The following PINX1 variants were observed in gnomAD, a reference collection of about 807,000 sequenced individuals.
PINX1 encodes the protein PIN2 (TERF1) interacting telomerase inhibitor 1.
In PINX1, 34 loss-of-function variants were observed where a neutral mutation model predicts 25.4. The observed-to-expected ratio is 1.34, with a 90% confidence interval of 1.02 to 1.78. The LOEUF is 1.78. Among genes scored for constraint, PINX1 ranks in the 40% most tolerant of loss-of-function variants. PINX1 has a pLI of 0.00. For missense variants in PINX1, 592 were observed against 404.9 expected, an observed-to-expected ratio of 1.46 and a Z score of -3.97; for synonymous variants, 197 against 147.7, an observed-to-expected ratio of 1.33 and a Z score of -2.42.
In PINX1 at chr8:10,836,362, G is replaced by T. The variant is rs368739521; in HGVS notation, c.20-1587C>A. On this transcript the variant is annotated intron_variant, in intron 1 of 6. Coordinates refer to ENST00000314787, the MANE Select transcript of PINX1 (RefSeq NM_017884.6). The stretch of plus-strand genomic sequence containing the variant: ...CTTGGCAAATACTCAGCATAACACT[G>T]CGTCTGCTAATGAACAACACACCAG... Among the ~76,000 whole-genome samples, 7 of 152,154 alleles carry T rather than the reference G, an allele frequency of 4.6e-5. No individual in the cohort carries two copies. The East Asian group carries it at 5.8e-4, about 13-fold the overall frequency.
At chr8:10,813,575 CACAA>C (rs1797602926) in intron 6 of PINX1, among the ~76,000 whole-genome samples, 1 of 152,100 alleles carries the variant, frequency 6.6e-6, no homozygotes, top group African/African-American at 2.4e-5. Flanking sequence ...GAGAAAGGAA[CACAA>C]ACTGCAAAGA....
At chr8:10,812,349 C>A (rs1451588633) in intron 6 of PINX1, among the ~76,000 whole-genome samples, 2 of 152,198 alleles carry the variant, frequency 1.3e-5, no homozygotes, top group Non-Finnish European at 1.5e-5. Context: ...CCTTCCAGCA[C>A]CGTTTCAAAT....
intron 6 of PINX1, among the ~76,000 whole-genome samples, chr8:10,815,148 C>T (rs2129084213): frequency 6.6e-6 from 1 of 152,220 alleles, no homozygotes; most frequent in East Asian, 1.9e-4. Flanking sequence ...CACTATGTTG[C>T]CCAGGCTGGT....
chr8:10,829,355 A>C (rs1170645632), intron 4 of PINX1, among the ~76,000 whole-genome samples: 1 of 152,060 alleles, frequency 6.6e-6, no homozygotes, highest in African/African-American at 2.4e-5. Context: ...CTTCAGAGTA[A>C]AGTAAATTTT....
intron 6 of PINX1, among the ~76,000 whole-genome samples, chr8:10,816,314 T>C (rs916240545): frequency 9.9e-5 from 15 of 152,218 alleles, no homozygotes; most frequent in Non-Finnish European, 1.9e-4. Flanking sequence ...TTTACTATCT[T>C]TGCAACATCC....
chr8:10,792,181 C>T lies in PINX1; in HGVS notation c.472-26265G>A, dbSNP rs534974155. Among the ~76,000 whole-genome samples the T allele has an allele frequency of 5.3e-5, 8 of 152,252 alleles. No homozygotes were observed. In the East Asian group the frequency reaches 1.4e-3, roughly 26 times the overall value. Reference sequence around the variant, plus strand: ...GCAGGCCCCGCAGATGCGCTGGCCTCGCTCTCCCTGCACTCTCCGCGCTGG... The same window carrying T: ...GCAGGCCCCGCAGATGCGCTGGCCTTGCTCTCCCTGCACTCTCCGCGCTGG... On this transcript the variant is annotated intron_variant, in intron 6 of 6. Coordinates refer to ENST00000314787, the MANE Select transcript of PINX1 (RefSeq NM_017884.6).
Position 10,826,203 on chromosome 8 carries a change from C to A in PINX1, c.343G>T (p.Glu115Ter). The A allele has an allele frequency of 6.3e-7, 1 of 1,598,094 alleles. No homozygotes were observed. ...CGGTTTTTGGAGATTTTGGACTTTT[C>A]CTCAAGGCTAAAAGATTTCTTTTCC... ...KKEKKSFSLE[E>*]KSKISKNRVH... Residue 115 changes from glutamate (E) to a stop codon, truncating the protein, a stop_gained, in exon 5 of 7, where the codon GAA (glutamate) becomes TAA (stop). Coordinates refer to ENST00000314787, the MANE Select transcript of PINX1 (RefSeq NM_017884.6). LOFTEE classifies it high-confidence loss of function.
chr8:10,785,114 A>T (rs1015045676), intron 6 of PINX1, among the ~76,000 whole-genome samples: 2 of 152,246 alleles, frequency 1.3e-5, no homozygotes, highest in Non-Finnish European at 2.9e-5. Flanking sequence ...GTTTTAAGCT[A>T]GTTCAAGATT....
chr8:10,820,305 T>C (rs1253801938), intron 5 of PINX1, 36 bp from the exon 6 acceptor site: 2 of 1,447,290 alleles, frequency 1.4e-6, no homozygotes, highest in East Asian at 2.3e-5. Flanking sequence ...AGTAAGACTG[T>C]TCTTCCTAAA....
intron 6 of PINX1, among the ~76,000 whole-genome samples, chr8:10,769,021 T>G (rs1036899390): frequency 6.6e-6 from 1 of 152,218 alleles, no homozygotes; most frequent in Non-Finnish European, 1.5e-5. Context: ...AAATGCGACA[T>G]TCACTGCTTC....
intron 6 of PINX1, among the ~76,000 whole-genome samples, chr8:10,788,002 C>T (rs185747669): frequency 1.0e-3 from 153 of 152,236 alleles, no homozygotes; most frequent in African/African-American, 3.5e-3. Context: ...TACTGAGAAA[C>T]TGTGGTTAAT....
chr8:10,808,435 G>A (rs1219611519), intron 6 of PINX1, among the ~76,000 whole-genome samples: 4 of 152,092 alleles, frequency 2.6e-5, no homozygotes, highest in Admixed American at 6.6e-5. Context: ...TTACATCTAG[G>A]TGCGTATATT....
At chr8:10,836,453 A>G (rs575616931) in intron 1 of PINX1, among the ~76,000 whole-genome samples, 56 of 152,344 alleles carry the variant, frequency 3.7e-4, no homozygotes, top group Non-Finnish European at 6.2e-4. Flanking sequence ...TCATGTGTCT[A>G]TGCAGTGCTT....
At chr8:10,783,114 T>C (rs1801644539) in intron 6 of PINX1, among the ~76,000 whole-genome samples, 1 of 152,208 alleles carries the variant, frequency 6.6e-6, no homozygotes, top group African/African-American at 2.4e-5. Context: ...GTGACCCTTA[T>C]TTGAATCTTA....
At chr8:10,791,535 C>T (rs1265748879) in intron 6 of PINX1, among the ~76,000 whole-genome samples, 1 of 152,188 alleles carries the variant, frequency 6.6e-6, no homozygotes, top group East Asian at 1.9e-4. Flanking sequence ...TAAACTCCAA[C>T]TGAGAATAAA....
rs867482448 is a variant in PINX1, at chr8:10,765,363, G to C, written c.*38C>G. The C allele has an allele frequency of 2.0e-6, 3 of 1,537,308 alleles. No homozygotes were observed. The South Asian group carries it at 3.8e-5, about 19-fold the overall frequency. On this transcript the variant is annotated 3_prime_UTR_variant, in exon 7 of 7. Transcript: ENST00000314787. ...GAGGTGTCTGCCCCCGCAGTGCCCT[G>C]ACAGCTGAGTGGTCGGAAGGCCCCG...
intron 6 of PINX1, among the ~76,000 whole-genome samples, chr8:10,805,162 A>T (rs1802399940): frequency 6.6e-6 from 1 of 152,190 alleles, no homozygotes; most frequent in African/African-American, 2.4e-5. Flanking sequence ...GTGGGAAAGG[A>T]AAATGGAGCC....
chr8:10,792,602 A>G (rs913211651), intron 6 of PINX1, among the ~76,000 whole-genome samples: 3 of 151,556 alleles, frequency 2.0e-5, no homozygotes, highest in African/African-American at 7.3e-5. Flanking sequence ...AAACAGAAAT[A>G]CTCTCAGGAA....
At chr8:10,825,998 A>G (rs985531586) in intron 5 of PINX1, among the ~76,000 whole-genome samples, 154 bp downstream of exon 5, 1 of 152,264 alleles carries the variant, frequency 6.6e-6, no homozygotes, top group Non-Finnish European at 1.5e-5. Flanking sequence ...GGCACACCAC[A>G]GTCAATGCGA....
Sources: gnomAD v4.1 joint callset for allele counts (sites outside exome capture counted in the v4.1 genomes callset) on GRCh38, gnomAD v4.1.1 for gene constraint, MANE v1.5 for transcripts, NCBI Gene and HGNC (gene_info 2026-07-23, HGNC 2026-07-21) for gene names.